KCNH5: variants seen among roughly 807,000 people sequenced by gnomAD.
The protein encoded by KCNH5 is voltage-gated delayed rectifier potassium channel KCNH5.
KCNH5 carries 46 observed loss-of-function variants against 96.1 expected under a neutral mutation model. The observed-to-expected ratio is 0.48, with a 90% CI of 0.38 to 0.61. KCNH5 has a LOEUF of 0.61. KCNH5 is among the 20% of genes least tolerant of loss of function. The pLI is 0.00. For missense variants in KCNH5, 907 were observed against 1,225.8 expected (o/e 0.74, Z 3.88); for synonymous variants, 439 against 449.8 (o/e 0.98, Z 0.30).
intron 7 of KCNH5, among the ~76,000 whole-genome samples, chr14:62,924,780 A>G (rs1477853682): frequency 6.6e-6 from 1 of 151,994 alleles, no homozygotes; most frequent in Non-Finnish European, 1.5e-5. Flanking sequence ...ATAGAATCAG[A>G]GTAGAAAGGT....
intron 9 of KCNH5, among the ~76,000 whole-genome samples, chr14:62,799,957 A>G (rs186642059): frequency 1.3e-5 from 2 of 149,330 alleles, no homozygotes; most frequent in Non-Finnish European, 3.0e-5. Flanking sequence ...GAGAAGAAGA[A>G]GAGGAGGAGA....
intron 3 of KCNH5, among the ~76,000 whole-genome samples, chr14:63,005,647 A>T (rs1242252717): frequency 1.3e-5 from 2 of 152,242 alleles, no homozygotes; most frequent in Non-Finnish European, 2.9e-5. Context: ...AATGTAAGTA[A>T]CCATGCAAAT....
chr14:62,858,275 T>G (rs1293041252), intron 7 of KCNH5, among the ~76,000 whole-genome samples: 1 of 152,172 alleles, frequency 6.6e-6, no homozygotes, highest in East Asian at 1.9e-4. Context: ...AGGTCGTGTT[T>G]TTTCCTGGTG....
intron 7 of KCNH5, among the ~76,000 whole-genome samples, chr14:62,851,820 C>A (rs1013705932): frequency 1.3e-5 from 2 of 152,016 alleles, no homozygotes; most frequent in African/African-American, 4.8e-5. Flanking sequence ...AAGATGCTTG[C>A]GATATGCTAC....
intron 7 of KCNH5, among the ~76,000 whole-genome samples, chr14:62,883,662 T>C (rs924207523): frequency 6.6e-6 from 1 of 152,158 alleles, no homozygotes; most frequent in Non-Finnish European, 1.5e-5. Context: ...TAATTACCTC[T>C]GTGGAGTAGA....
At chr14:62,970,889 A>G (rs76199673) in intron 6 of KCNH5, among the ~76,000 whole-genome samples, 1 of 152,000 alleles carries the variant, frequency 6.6e-6, no homozygotes, top group East Asian at 1.9e-4. Context: ...GAAAAAAAAA[A>G]CCCTACAACT....
chr14:62,948,652 A>C (rs376290844), intron 7 of KCNH5, among the ~76,000 whole-genome samples: 15,581 of 146,840 alleles, frequency 0.11, 2,009 homozygotes, highest in African/African-American at 0.31. Flanking sequence ...CTCCCTAACT[A>C]ATTTTATGAG....
At chr14:62,725,802 C>G (rs899785920) in intron 10 of KCNH5, among the ~76,000 whole-genome samples, 1 of 152,094 alleles carries the variant, frequency 6.6e-6, no homozygotes, top group Non-Finnish European at 1.5e-5. Context: ...AATTAACAAC[C>G]TAGTTATACA....
At chr14:62,804,240 G>A (rs1886721333) in intron 8 of KCNH5, among the ~76,000 whole-genome samples, 1 of 151,964 alleles carries the variant, frequency 6.6e-6, no homozygotes, top group African/African-American at 2.4e-5. Context: ...GCAGCAATCT[G>A]CTCACCCACC....
intron 8 of KCNH5, among the ~76,000 whole-genome samples, chr14:62,803,356 G>A (rs1294382356): frequency 6.6e-6 from 1 of 152,128 alleles, no homozygotes; most frequent in Non-Finnish European, 1.5e-5. Flanking sequence ...CTGGCAACTT[G>A]ACATACTGGC....
At chr14:62,727,962 C>T (rs1038619324) in intron 10 of KCNH5, among the ~76,000 whole-genome samples, 11 of 149,396 alleles carry the variant, frequency 7.4e-5, no homozygotes, top group African/African-American at 2.7e-4. Context: ...GACTGATATG[C>T]ATAGCACACG....
chr14:62,907,915 T>C (rs781496388), intron 7 of KCNH5, among the ~76,000 whole-genome samples: 5 of 152,190 alleles, frequency 3.3e-5, no homozygotes, highest in Non-Finnish European at 7.3e-5. Flanking sequence ...CATGAGGGCA[T>C]TGTGCAAGAT....
chr14:62,920,405 A>G (rs1484417091), intron 7 of KCNH5, among the ~76,000 whole-genome samples: 1 of 152,108 alleles, frequency 6.6e-6, no homozygotes, highest in Non-Finnish European at 1.5e-5. Context: ...TAAAGCAGGG[A>G]TGCAGGGTGG....
intron 10 of KCNH5, among the ~76,000 whole-genome samples, chr14:62,721,700 A>G (rs2139914347): frequency 6.6e-6 from 1 of 152,162 alleles, no homozygotes; most frequent in East Asian, 1.9e-4. Flanking sequence ...ATATCTACAT[A>G]CAAGCCACCC....
rs891400522 is a variant in KCNH5 at position 62,705,236 on chromosome 14, T to C, written c.*2272A>G. On this transcript the variant is annotated 3_prime_UTR_variant, in exon 11 of 11. Transcript: ENST00000322893. ...AGCCATGAATTAGAACTTCAAATCA[T>C]CATGTTGTTCACAGTCATTCTTTTA... 1 of 152,012 alleles carries C rather than the reference T, an allele frequency of 6.6e-6. No homozygotes were observed. Among genetic ancestry groups the C allele is most frequent in the Admixed American group, 6.6e-5 (1 of 15,260 alleles). The allele number at this position is 152,012 out of a possible 1,614,324, so 9.4% of individuals were successfully genotyped here. A position where few individuals can be genotyped will look rare whatever the true frequency, so the allele number is the denominator to read the frequency against.
At chr14:62,985,051 G>C (rs1005797895) in intron 5 of KCNH5, among the ~76,000 whole-genome samples, 1 of 152,062 alleles carries the variant, frequency 6.6e-6, no homozygotes, top group Non-Finnish European at 1.5e-5. Context: ...ATTTCAGCTT[G>C]ATTTGCAGAA....
intron 9 of KCNH5, among the ~76,000 whole-genome samples, chr14:62,784,365 C>T (rs1362269635): frequency 6.6e-6 from 1 of 152,032 alleles, no homozygotes; most frequent in Non-Finnish European, 1.5e-5. Flanking sequence ...GACAGCCAAA[C>T]CATATCATTA....
intron 8 of KCNH5, among the ~76,000 whole-genome samples, chr14:62,814,118 T>C (rs956115271): frequency 2.0e-5 from 3 of 152,206 alleles, no homozygotes; most frequent in Non-Finnish European, 4.4e-5. Flanking sequence ...TTAAACCTCA[T>C]TGGTTTCACT....
At chr14:63,010,217 T>C (rs373673336) in intron 2 of KCNH5, among the ~76,000 whole-genome samples, 12 of 152,200 alleles carry the variant, frequency 7.9e-5, no homozygotes, top group African/African-American at 2.7e-4. Flanking sequence ...GGACAAGTCG[T>C]ATATCCTCTC....
Sources: gnomAD v4.1 joint callset for allele counts (sites outside exome capture counted in the v4.1 genomes callset) on GRCh38, gnomAD v4.1.1 for gene constraint, MANE v1.5 for transcripts, NCBI Gene and HGNC (gene_info 2026-07-23, HGNC 2026-07-21) for gene names.